ZNF774: variants seen among roughly 807,000 people sequenced by gnomAD.
ZNF774 encodes zinc finger protein 774.
Under a neutral mutation model 11.1 loss-of-function variants are expected in ZNF774, and 14 were observed. The ratio of observed to expected loss-of-function variants is 1.26; its 90% confidence interval spans 0.83 to 1.97. The LOEUF (loss-of-function observed/expected upper bound fraction) is 1.97, where lower values mean the gene tolerates loss of function less well. Ranked by LOEUF, ZNF774 falls within the 30% of genes most tolerant of loss-of-function variation. The probability of loss-of-function intolerance (pLI) is 0.00; values close to 1 mark genes in which losing one functional copy is unlikely to be tolerated. For missense variants in ZNF774, 599 were observed against 587.0 expected (o/e 1.02, Z -0.21); for synonymous variants, 195 against 212.6 (o/e 0.92, Z 0.72).
intron 1 of ZNF774, among the ~76,000 whole-genome samples, chr15:90,353,810 G>A (rs938191037): frequency 6.6e-6 from 1 of 152,002 alleles, no homozygotes; most frequent in African/African-American, 2.4e-5. Flanking sequence ...TGTTGCTGAG[G>A]CTGGTTTATT....
chr15:90,359,558 G>T (rs1427563103), intron 3 of ZNF774, among the ~76,000 whole-genome samples: 1 of 150,072 alleles, frequency 6.7e-6, no homozygotes, highest in Admixed American at 6.6e-5. Flanking sequence ...GGGTTCAAGT[G>T]ATTGTCCTGC....
intron 1 of ZNF774, among the ~76,000 whole-genome samples, chr15:90,354,252 C>T (rs1369512756): frequency 1.3e-5 from 2 of 152,204 alleles, no homozygotes; most frequent in African/African-American, 4.8e-5. Flanking sequence ...GTTAAGGCCA[C>T]AATTTCCTTG....
In ZNF774 at chr15:90,360,458, C is replaced by G; in HGVS notation, c.627C>G (p.Cys209Trp). The G allele has an allele frequency of 2.5e-6, 4 of 1,613,748 alleles. No homozygotes were observed. Among genetic ancestry groups the G allele is most frequent in the Non-Finnish European group, 3.4e-6 (4 of 1,180,018 alleles). Reference sequence around the variant, plus strand: ...ACACAGGAGAGAAGCCCTACCAATGCAAGGGGTGTGAGAAGAAATTCAGCG... The same window carrying G: ...ACACAGGAGAGAAGCCCTACCAATGGAAGGGGTGTGAGAAGAAATTCAGCG... ...RTHTGEKPYQCKGCEKKFSDS... is the reference protein window; with the variant it reads ...RTHTGEKPYQWKGCEKKFSDS... Residue 209 changes from cysteine (C) to tryptophan (W), a missense_variant, in exon 4 of 4, where the codon TGC (cysteine) becomes TGG (tryptophan). By Grantham distance (215) the Cys-to-Trp change is radical. Coordinates refer to ENST00000354377, the MANE Select transcript of ZNF774 (RefSeq NM_001004309.3).
At chr15:90,353,032 A>G (rs562261628) in intron 1 of ZNF774, among the ~76,000 whole-genome samples, 1 of 151,580 alleles carries the variant, frequency 6.6e-6, no homozygotes, top group Non-Finnish European at 1.5e-5. Context: ...CAATGGCGCT[A>G]TCTCCTTTCA....
At chr15:90,356,829 C>T (rs1964255671) in intron 2 of ZNF774, among the ~76,000 whole-genome samples, 3 of 151,890 alleles carry the variant, frequency 2.0e-5, no homozygotes, top group Admixed American at 6.6e-5. Flanking sequence ...CTTTTTTTAA[C>T]CTATAAAAAT....
At position 90,354,722 on chromosome 15, in the gene ZNF774, A is replaced by G; in HGVS notation, c.62A>G (p.Gln21Arg). 2 of 1,612,690 alleles carry G rather than the reference A, an allele frequency of 1.2e-6. No individual in the cohort carries two copies. The highest frequency in any genetic ancestry group is 1.7e-6 in the Non-Finnish European group (2 of 1,179,452). Reference sequence around the variant, plus strand: ...GGACACTGCTTAGAGAATCCTCTCCAGGAATGCCACCCAGCACAGTTAGAA... The same window carrying G: ...GGACACTGCTTAGAGAATCCTCTCCGGGAATGCCACCCAGCACAGTTAGAA... ...LPGHCLENPL[Q>R]ECHPAQLEEW... Residue 21 changes from glutamine (Q) to arginine (R), a missense_variant, in exon 2 of 4, where the codon CAG (glutamine) becomes CGG (arginine). Transcript: ENST00000354377.
chr15:90,360,438 G>A lies in ZNF774; in HGVS notation c.607G>A (p.Gly203Arg), dbSNP rs1314133827. The A allele has an allele frequency of 9.9e-6, 16 of 1,613,804 alleles. No individual in the cohort carries two copies. The highest frequency in any genetic ancestry group is 2.2e-5 in the East Asian group (1 of 44,888). Residue 203 changes from glycine to arginine, a missense_variant, in exon 4 of 4, where the codon GGA becomes AGA. By Grantham distance (125) the Gly-to-Arg change is moderately radical. Transcript: ENST00000354377. ...TGTCACCCATCGCAGAACACACACAGGAGAGAAGCCCTACCAATGCAAGGG... is the reference window on the plus strand; with the variant it reads ...TGTCACCCATCGCAGAACACACACAAGAGAGAAGCCCTACCAATGCAAGGG... ...DLVTHRRTHT[G>R]EKPYQCKGCE... is the part of the protein sequence containing the mutation.
chr15:90,360,484 A>T lies in ZNF774; in HGVS notation c.653A>T (p.Asp218Val). ...AAGGGGTGTGAGAAGAAATTCAGCG[A>T]CAGCTCAACACTCATCAAACATCAG... Reference protein sequence around the residue: ...QCKGCEKKFSDSSTLIKHQRT... With the variant: ...QCKGCEKKFSVSSTLIKHQRT... The change falls in exon 4 of 4, where the codon GAC (aspartate) becomes GTC (valine). Residue 218 changes from aspartate to valine, a missense_variant. By Grantham distance (152) the Asp-to-Val change is radical (BLOSUM62 -3). Transcript: ENST00000354377. 6.2e-7 allele frequency: 1 copy of T among 1,613,938 alleles called. No individual in the cohort carries two copies. The highest frequency in any genetic ancestry group is 8.5e-7 in the Non-Finnish European group (1 of 1,180,034).
chr15:90,357,810 G>T (rs1418618874), intron 2 of ZNF774, among the ~76,000 whole-genome samples: 1 of 152,032 alleles, frequency 6.6e-6, no homozygotes, highest in Non-Finnish European at 1.5e-5. Context: ...GGCCTCACAA[G>T]TGATCCAACT....
Position 90,355,252 on chromosome 15 carries a change from T to G in ZNF774, c.104+488T>G, listed in dbSNP as rs181209624. ...CCTTGGGAGAAAAACAATTACTTCC[T>G]TATGCATTTTATGGTTTGCAAATGT... On this transcript the variant is annotated intron_variant, in intron 2 of 3. Transcript: ENST00000354377. 972 of 455,364 alleles carry G rather than the reference T, an allele frequency of 2.1e-3. 6 individuals are homozygous for G. The highest frequency in any genetic ancestry group is 0.018 in the African/African-American group (910 of 50,116). The allele number at this position is 455,364 out of a possible 1,614,324, so 28.2% of individuals were successfully genotyped here.
In ZNF774 at chr15:90,360,175, T is replaced by G; in HGVS notation, c.344T>G (p.Leu115Arg). Residue 115 changes from leucine to arginine, a missense_variant, in exon 4 of 4, where the codon CTA becomes CGA. Leu to Arg is a moderately radical substitution (Grantham distance 102). Transcript: ENST00000354377. Reference protein sequence around the residue: ...LSWGGNWEQGLELEGQHGTLP... With the variant: ...LSWGGNWEQGRELEGQHGTLP... ...TGGGGAGGAAACTGGGAGCAAGGCC[T>G]AGAATTAGAAGGGCAACATGGAACC... The G allele has an allele frequency of 6.2e-7, 1 of 1,614,154 alleles. No homozygotes were observed.
intron 2 of ZNF774, among the ~76,000 whole-genome samples, chr15:90,355,166 A>C (rs1020044247): frequency 1.3e-4 from 20 of 152,332 alleles, no homozygotes; most frequent in Non-Finnish European, 2.4e-4. Flanking sequence ...CCCAGGTCTG[A>C]GGAGTTTCTG....
Position 90,360,551 on chromosome 15 carries a change from T to C in ZNF774, c.720T>C (p.Cys240=). ...AGAGACCCTATGAGTGCCCAGAGTG[T>C]GGAAAGACTTTTGGGCGGAAGCCAC... ...TGERPYECPE[C]GKTFGRKPHL... Residue 240 remains cysteine (C), a synonymous_variant, in exon 4 of 4, where the codon TGT becomes TGC. Transcript: ENST00000354377. 1 of 1,612,328 alleles carries C rather than the reference T, an allele frequency of 6.2e-7. No homozygotes were observed. Among genetic ancestry groups the C allele is most frequent in the Non-Finnish European group, 8.5e-7 (1 of 1,179,578 alleles).
rs1448341432 is a variant in ZNF774 at position 90,362,610 on chromosome 15, GTGT to G, written c.*1330_*1332del. ...TGAAATAAATTGAGGGACGGCAAGT[GTGT>G]TGGAAAGAACACCGACTTCATTGAG... On this transcript the variant is annotated 3_prime_UTR_variant, in exon 4 of 4. Transcript: ENST00000354377. 1.3e-6 allele frequency: 2 copies of G among 1,531,840 alleles called. No individual in the cohort carries two copies. Among genetic ancestry groups the G allele is most frequent in the Non-Finnish European group, 1.7e-6 (2 of 1,143,074 alleles). The allele number at this position is 1,531,840 out of a possible 1,614,324, so 94.9% of individuals were successfully genotyped here.
At chr15:90,354,913 A>T in intron 2 of ZNF774, 149 bp downstream of exon 2, 1 of 697,178 alleles carries the variant, frequency 1.4e-6, no homozygotes, top group Non-Finnish European at 2.5e-6. Flanking sequence ...TCCCACCTCA[A>T]CCTCCTGAGT....
intron 2 of ZNF774, among the ~76,000 whole-genome samples, chr15:90,356,625 C>T (rs1964253436): frequency 1.3e-5 from 2 of 152,130 alleles, no homozygotes; most frequent in African/African-American, 4.8e-5. Flanking sequence ...AGCATATATA[C>T]AATTTTAAAA....
At chr15:90,355,713 A>C in intron 2 of ZNF774, among the ~76,000 whole-genome samples, 1 of 100,390 alleles carries the variant, frequency 1.0e-5, no homozygotes, top group Non-Finnish European at 1.8e-5. Context: ...ATAGAGCAAG[A>C]CTCTGTCTCA....
At position 90,362,702 on chromosome 15, in the gene ZNF774, C is replaced by A; in HGVS notation, c.*1419C>A. 3 of 888,614 alleles carry A rather than the reference C, an allele frequency of 3.4e-6. No individual in the cohort carries two copies. The highest frequency in any genetic ancestry group is 5.3e-6 in the Non-Finnish European group (3 of 568,024). The allele number at this position is 888,614 out of a possible 1,614,324, so 55.0% of individuals were successfully genotyped here. ...TGGCCAGACTTTCATCTTCTCCCAG[C>A]CTCAAGTTTTACCTACCTCACAAGG... is the stretch of plus-strand genomic sequence containing the variant. On this transcript the variant is annotated 3_prime_UTR_variant, in exon 4 of 4. Coordinates refer to ENST00000354377, the MANE Select transcript of ZNF774 (RefSeq NM_001004309.3).
In ZNF774 at chr15:90,361,064, C is replaced by T; in HGVS notation, c.1233C>T (p.Ser411=). 1.2e-6 allele frequency: 2 copies of T among 1,614,164 alleles called. No homozygotes were observed. Among genetic ancestry groups the T allele is most frequent in the Non-Finnish European group, 8.5e-7 (1 of 1,180,004 alleles). The part of the protein sequence containing the change: ...RPYKCGECGK[S]FNQSSHFITH... ...ACAAATGTGGAGAGTGTGGGAAGAG[C>T]TTCAATCAGAGCTCCCACTTTATTA... is the stretch of plus-strand genomic sequence containing the variant. Residue 411 remains serine, a synonymous_variant, in exon 4 of 4, where the codon AGC becomes AGT. Transcript: ENST00000354377.
Sources: gnomAD v4.1 joint callset for allele counts (sites outside exome capture counted in the v4.1 genomes callset) on GRCh38, gnomAD v4.1.1 for gene constraint, MANE v1.5 for transcripts, NCBI Gene and HGNC (gene_info 2026-07-23, HGNC 2026-07-21) for gene names.